COLGALT1: variants seen among roughly 807,000 people sequenced by gnomAD.
COLGALT1 encodes collagen beta(1-O)galactosyltransferase 1.
COLGALT1 carries 43 observed loss-of-function variants against 60.8 expected under a neutral mutation model. The ratio of observed to expected loss-of-function variants is 0.71; its 90% confidence interval spans 0.55 to 0.91. COLGALT1 has a LOEUF of 0.91. Ranked by LOEUF, COLGALT1 falls within the 40% of genes least tolerant of loss-of-function variation. The pLI, the probability that COLGALT1 is intolerant of heterozygous loss-of-function variation, is 0.00. For missense variants in COLGALT1, 845 were observed against 880.0 expected, an observed-to-expected ratio of 0.96 and a Z score of 0.50; for synonymous variants, 369 against 374.2, an observed-to-expected ratio of 0.99 and a Z score of 0.16.
Position 17,582,320 on chromosome 19 carries a change from C to T in COLGALT1, c.*876C>T, listed in dbSNP as rs982634174. 2.6e-5 allele frequency: 4 copies of T among 152,200 alleles called. No homozygotes were observed. The highest frequency in any genetic ancestry group is 5.9e-5 in the Non-Finnish European group (4 of 68,044). 9.4% of individuals were successfully genotyped at this position (152,200 alleles called of 1,614,324 possible). ...ATGTCACAAAGATAAGTTCCTGATT[C>T]GGTACACTTACTGAGCACCTGCTGT... On this transcript the variant is annotated 3_prime_UTR_variant, in exon 12 of 12. Coordinates refer to ENST00000252599, the MANE Select transcript of COLGALT1 (RefSeq NM_024656.4).
intron 3 of COLGALT1, among the ~76,000 whole-genome samples, chr19:17,564,769 T>C (rs984513986): frequency 6.6e-6 from 1 of 152,132 alleles, no homozygotes; most frequent in African/African-American, 2.4e-5. Context: ...CTCCTCTTTC[T>C]TGTTTGTTTT....
At chr19:17,575,366 C>G (rs2076335238) in intron 6 of COLGALT1, among the ~76,000 whole-genome samples, 2 of 152,232 alleles carry the variant, frequency 1.3e-5, no homozygotes, top group Non-Finnish European at 1.5e-5. Flanking sequence ...CTGCCTCAGC[C>G]TCCCGAGTAG....
In COLGALT1 at chr19:17,577,353, G is replaced by T; in HGVS notation, c.1027-8G>T. 1 of 1,603,422 alleles carries T rather than the reference G, an allele frequency of 6.2e-7. No individual in the cohort carries two copies. Among genetic ancestry groups the T allele is most frequent in the Non-Finnish European group, 8.5e-7 (1 of 1,176,232 alleles). ...GGCTGATCTGGCTGGGGACTCTCCGGGCTGCAGGTCTTCATGATCAACCTG... is the reference window on the plus strand; with the variant it reads ...GGCTGATCTGGCTGGGGACTCTCCGTGCTGCAGGTCTTCATGATCAACCTG... On this transcript the variant is annotated splice_polypyrimidine_tract_variant and splice_region_variant and intron_variant, in intron 7 of 11. Transcript: ENST00000252599.
At position 17,581,240 on chromosome 19, in the gene COLGALT1, C is replaced by T. The variant is rs764300831; in HGVS notation, c.1665C>T (p.Leu555=). The T allele has an allele frequency of 1.4e-5, 22 of 1,611,062 alleles. No individual in the cohort carries two copies. The highest frequency in any genetic ancestry group is 1.9e-5 in the Non-Finnish European group (22 of 1,179,934). The change falls in exon 12 of 12, where the codon CTC becomes CTT. Residue 555 remains leucine (L), a synonymous_variant. Coordinates refer to ENST00000252599, the MANE Select transcript of COLGALT1 (RefSeq NM_024656.4). ...ATGCCTTCTCTGTGGAGCCGCTGCT[C>T]ATCTACCCCACACACTACACAGGAG... is the stretch of plus-strand genomic sequence containing the variant. The part of the protein sequence containing the change: ...NLHAFSVEPL[L]IYPTHYTGDD...
At chr19:17,567,278 T>G in intron 3 of COLGALT1, 128 bp from the exon 4 acceptor site, 2 of 1,256,420 alleles carry the variant, frequency 1.6e-6, no homozygotes, top group South Asian at 1.5e-5. Context: ...CTGCTTCATT[T>G]CATCCGGTGT....
chr19:17,567,868 G>A (rs2076288918), intron 4 of COLGALT1, among the ~76,000 whole-genome samples: 1 of 152,074 alleles, frequency 6.6e-6, no homozygotes, highest in African/African-American at 2.4e-5. Context: ...AGAATCACTT[G>A]AACCCAGGAG....
At position 17,555,733 on chromosome 19, in the gene COLGALT1, C is replaced by T. The variant is rs1449330996; in HGVS notation, c.20C>T (p.Ala7Val). 3 of 1,200,640 alleles carry T rather than the reference C, an allele frequency of 2.5e-6. No homozygotes were observed. Among genetic ancestry groups the T allele is most frequent in the East Asian group, 3.5e-5 (1 of 28,584 alleles). The allele number at this position is 1,200,640 out of a possible 1,614,324, so 74.4% of individuals were successfully genotyped here. A position where few individuals can be genotyped will look rare whatever the true frequency, so the allele number is the denominator to read the frequency against. The change falls in exon 1 of 12, where the codon GCG becomes GTG. Residue 7 changes from alanine to valine, a missense_variant. Ala to Val is a moderately conservative substitution (Grantham distance 64). Coordinates refer to ENST00000252599, the MANE Select transcript of COLGALT1 (RefSeq NM_024656.4). MAAAPRAGRRRGQPLLA... is the reference protein window; with the variant it reads MAAAPRVGRRRGQPLLA... ...GGCGCGATGGCGGCGGCCCCACGCG[C>T]GGGCCGGCGGCGCGGGCAGCCGCTC... is the stretch of plus-strand genomic sequence containing the variant.
chr19:17,566,316 T>G (rs1353837731), intron 3 of COLGALT1: 3 of 151,738 alleles, frequency 2.0e-5, no homozygotes, highest in African/African-American at 7.3e-5. Flanking sequence ...TGAGCCGAGA[T>G]CACGCCGCTG....
At chr19:17,577,062 T>TG in intron 6 of COLGALT1, 133 bp from the exon 7 acceptor site, 1 of 743,776 alleles carries the variant, frequency 1.3e-6, no homozygotes, top group Non-Finnish European at 2.2e-6. Flanking sequence ...GCAGCGCTGA[T>TG]GTGGGCGGAG....
rs746478240 is a variant in COLGALT1, at chr19:17,555,952, C to G, written c.239C>G (p.Pro80Arg). Residue 80 changes from proline to arginine, a missense_variant, in exon 1 of 12, where the codon CCG becomes CGG. Pro to Arg is a moderately radical substitution (Grantham distance 103). Transcript: ENST00000252599. ...GGCGCACTCGAGCGGCTGCGGCACC[C>G]GCGGGAGCGCACGGCGCTATGGTGA... ...TLGALERLRHPRERTALWVAT... is the reference protein window; with the variant it reads ...TLGALERLRHRRERTALWVAT... 37 of 1,381,592 alleles carry G rather than the reference C, an allele frequency of 2.7e-5. No individual in the cohort carries two copies. The highest frequency in any genetic ancestry group is 3.0e-5 in the Non-Finnish European group (32 of 1,067,672). 85.6% of individuals were successfully genotyped at this position (1,381,592 alleles called of 1,614,324 possible). A position where few individuals can be genotyped will look rare whatever the true frequency, so the allele number is the denominator to read the frequency against.
At chr19:17,570,515 A>G (rs1188229996) in intron 5 of COLGALT1, among the ~76,000 whole-genome samples, 1 of 152,054 alleles carries the variant, frequency 6.6e-6, no homozygotes, top group East Asian at 1.9e-4. Flanking sequence ...CCAAAGCGCT[A>G]GGAATACAAA....
At chr19:17,565,002 C>T (rs1166840447) in intron 3 of COLGALT1, among the ~76,000 whole-genome samples, 1 of 152,096 alleles carries the variant, frequency 6.6e-6, no homozygotes, top group African/African-American at 2.4e-5. Context: ...GTTTCTCTCA[C>T]TCAGCATTGA....
At chr19:17,567,054 G>T (rs1323423733) in intron 3 of COLGALT1, among the ~76,000 whole-genome samples, 1 of 152,104 alleles carries the variant, frequency 6.6e-6, no homozygotes, top group African/African-American at 2.4e-5. Flanking sequence ...GGCGGAGGTT[G>T]CAGCGAGCTG....
intron 5 of COLGALT1, among the ~76,000 whole-genome samples, chr19:17,569,923 C>T (rs1352442382): frequency 1.0e-5 from 1 of 96,098 alleles, no homozygotes; most frequent in South Asian, 3.5e-4. Flanking sequence ...GAGACGGAGT[C>T]TCGCTCTGTC....
At chr19:17,556,454 C>A in intron 1 of COLGALT1, 2 of 781,030 alleles carry the variant, frequency 2.6e-6, no homozygotes, top group Non-Finnish European at 1.6e-6. Flanking sequence ...TTGAACTCAG[C>A]CTGGCTCCAG....
At position 17,556,165 on chromosome 19, in the gene COLGALT1, A is replaced by G. The variant is rs115485455; in HGVS notation, c.260+192A>G. ...CCGCTGCCCCCATCGGGACGGGTCC[A>G]CGCGTGCCCCCTGCCTGCTGTCCTC... is the stretch of plus-strand genomic sequence containing the variant. On this transcript the variant is annotated intron_variant, in intron 1 of 11. Coordinates refer to ENST00000252599, the MANE Select transcript of COLGALT1 (RefSeq NM_024656.4). 7.2e-3 allele frequency among the ~76,000 whole-genome samples: 1,089 copies of G among 152,126 alleles called. 15 individuals are homozygous for G. Among genetic ancestry groups the G allele is most frequent in the African/African-American group, 0.024 (1,011 of 41,522 alleles).
At chr19:17,564,410 CTACT>C (rs1475095286) in intron 3 of COLGALT1, among the ~76,000 whole-genome samples, 3 of 137,786 alleles carry the variant, frequency 2.2e-5, no homozygotes, top group Non-Finnish European at 4.6e-5. Context: ...AGAAAAACAT[CTACT>C]TTTTTTTTTT....
Position 17,578,054 on chromosome 19 carries a change from G to A in COLGALT1, c.1231G>A (p.Gly411Ser). Reference sequence around the variant, plus strand: ...CCGGCCCCTCACCAAGGGTGAGCTGGGCTGCTTCCTGAGCCACTACAACAT... The same window carrying A: ...CCGGCCCCTCACCAAGGGTGAGCTGAGCTGCTTCCTGAGCCACTACAACAT... ...HGRPLTKGEL[G>S]CFLSHYNIWK... Residue 411 changes from glycine to serine, a missense_variant, in exon 9 of 12, where the codon GGC (glycine) becomes AGC (serine). By Grantham distance (56) the Gly-to-Ser change is moderately conservative. Transcript: ENST00000252599. The A allele has an allele frequency of 1.9e-6, 3 of 1,611,742 alleles. No individual in the cohort carries two copies. The highest frequency in any genetic ancestry group is 2.7e-5 in the African/African-American group (2 of 74,976).
Position 17,581,260 on chromosome 19 carries a change from C to G in COLGALT1, c.1685C>G (p.Thr562Arg). The G allele has an allele frequency of 6.2e-7, 1 of 1,612,218 alleles. No individual in the cohort carries two copies. The change falls in exon 12 of 12, where the codon ACA becomes AGA. Residue 562 changes from threonine (T) to arginine (R), a missense_variant. Physicochemically the swap from Thr to Arg is moderately conservative, Grantham distance 71 (BLOSUM62 -1). Coordinates refer to ENST00000252599, the MANE Select transcript of COLGALT1 (RefSeq NM_024656.4). ...CTGCTCATCTACCCCACACACTACA[C>G]AGGAGACGATGGCTATGTGAGTGAC... ...EPLLIYPTHY[T>R]GDDGYVSDTE...
Sources: gnomAD v4.1 joint callset for allele counts (sites outside exome capture counted in the v4.1 genomes callset) on GRCh38, gnomAD v4.1.1 for gene constraint, MANE v1.5 for transcripts, NCBI Gene and HGNC (gene_info 2026-07-23, HGNC 2026-07-21) for gene names.